TLL1: variants seen among roughly 807,000 people sequenced by gnomAD.
TLL1 encodes tolloid-like protein 1.
A neutral mutation model predicts 128.2 loss-of-function variants in TLL1; 49 were observed. The ratio of observed to expected loss-of-function variants is 0.38; its 90% CI spans 0.30 to 0.48. TLL1 has a LOEUF of 0.48. TLL1 is among the 20% of genes least tolerant of loss of function. The probability of loss-of-function intolerance (pLI) is 0.96; values close to 1 mark genes in which losing one functional copy is unlikely to be tolerated. For missense variants in TLL1, 1,123 were observed against 1,242.0 expected (o/e 0.90, Z 1.44); for synonymous variants, 454 against 418.8 (o/e 1.08, Z -1.03).
Position 166,043,162 on chromosome 4 carries a change from G to T in TLL1, c.1379-112G>T, listed in dbSNP as rs114764246. 3.7e-4 allele frequency: 531 copies of T among 1,423,870 alleles called. No homozygotes were observed. In the African/African-American group the frequency reaches 6.2e-3, roughly 17 times the overall value. 88.2% of individuals were successfully genotyped at this position (1,423,870 alleles called of 1,614,324 possible). ...AGTCAACTTTGATTTTTATAGCCTG[G>T]TCTTTATGTACTGAGCTACAGGAGC... is the stretch of plus-strand genomic sequence containing the variant. On this transcript the variant is annotated intron_variant, in intron 11 of 20. Coordinates refer to ENST00000061240, the MANE Select transcript of TLL1 (RefSeq NM_012464.5).
Position 166,047,670 on chromosome 4 carries a change from T to G in TLL1, c.1524+4251T>G, listed in dbSNP as rs1739524283. On this transcript the variant is annotated intron_variant, in intron 12 of 20. Coordinates refer to ENST00000061240, the MANE Select transcript of TLL1 (RefSeq NM_012464.5). ...TTTACCTTTGCCAGTGCCATTTGCA[T>G]TTTCATGAAAGTGCTCAAATAAAGT... Among the ~76,000 whole-genome samples the G allele has an allele frequency of 2.0e-5, 3 of 152,150 alleles. 1 individual carries two copies. The South Asian group carries it at 6.2e-4, about 31-fold the overall frequency.
chr4:165,911,835 C>T (rs1018569173), intron 1 of TLL1, among the ~76,000 whole-genome samples: 8 of 151,982 alleles, frequency 5.3e-5, no homozygotes, highest in Admixed American at 4.6e-4. Flanking sequence ...AGTATTTCTT[C>T]GTGCTACAGG....
intron 12 of TLL1, among the ~76,000 whole-genome samples, chr4:166,045,307 T>A: frequency 6.6e-6 from 1 of 152,216 alleles, no homozygotes; most frequent in Non-Finnish European, 1.5e-5. Flanking sequence ...TTTATTTTAC[T>A]TACTAAACCC....
chr4:166,072,549 T>G (rs1263536045), intron 16 of TLL1, among the ~76,000 whole-genome samples: 2 of 152,026 alleles, frequency 1.3e-5, no homozygotes, highest in African/African-American at 4.8e-5. Flanking sequence ...TTTTTAATTT[T>G]ATCTCTCTTT....
intron 1 of TLL1, among the ~76,000 whole-genome samples, chr4:165,983,720 T>C (rs1736263900): frequency 6.6e-6 from 1 of 151,826 alleles, no homozygotes; most frequent in South Asian, 2.1e-4. Flanking sequence ...AAATTTGAAG[T>C]ATGTTTGGAC....
At chr4:165,893,538 T>G (rs116208162) in intron 1 of TLL1, among the ~76,000 whole-genome samples, 2,630 of 152,146 alleles carry the variant, frequency 0.017, 88 homozygotes, top group African/African-American at 0.061. Flanking sequence ...GAGAAAGAAC[T>G]CTGGAGACAT....
At chr4:166,064,633 A>G (rs1579697003) in intron 15 of TLL1, among the ~76,000 whole-genome samples, 1 of 152,130 alleles carries the variant, frequency 6.6e-6, no homozygotes, top group African/African-American at 2.4e-5. Context: ...CTTACAGAAT[A>G]ATGGGTTAGG....
chr4:166,048,860 G>A (rs1039603651), intron 12 of TLL1, among the ~76,000 whole-genome samples: 5 of 152,150 alleles, frequency 3.3e-5, no homozygotes, highest in Non-Finnish European at 5.9e-5. Context: ...GAAAACCAGA[G>A]CTGATTAATA....
intron 1 of TLL1, among the ~76,000 whole-genome samples, chr4:165,906,074 T>TA (rs1400905446): frequency 6.6e-6 from 1 of 152,120 alleles, no homozygotes; most frequent in African/African-American, 2.4e-5. Context: ...AAAGTTTCAT[T>TA]AAAAAAAGTT....
chr4:165,957,244 G>A (rs1734845732), intron 1 of TLL1, among the ~76,000 whole-genome samples: 1 of 152,174 alleles, frequency 6.6e-6, no homozygotes. Flanking sequence ...ACAATAGTCA[G>A]TAAGGACAAA....
At position 166,090,098 on chromosome 4, in the gene TLL1, A is replaced by C. The variant is rs996428625; in HGVS notation, c.2443-1030A>C. Among the ~76,000 whole-genome samples the C allele has an allele frequency of 5.9e-5, 9 of 152,110 alleles. 1 individual carries two copies. The highest frequency in any genetic ancestry group is 3.2e-3 in the Middle Eastern group (1 of 316). On this transcript the variant is annotated intron_variant, in intron 18 of 20. Transcript: ENST00000061240. ...AAAGAAAATAAGTATATTAAAATTT[A>C]TGTGCCAATATTTTGTTGGAGGGAT...
chr4:166,087,954 T>A (rs965438385), intron 18 of TLL1, among the ~76,000 whole-genome samples: 4 of 152,184 alleles, frequency 2.6e-5, no homozygotes, highest in African/African-American at 9.6e-5. Flanking sequence ...TTCACTTTAT[T>A]TTTGGCCTTT....
At chr4:165,973,108 T>C (rs1735702848) in intron 1 of TLL1, among the ~76,000 whole-genome samples, 2 of 152,088 alleles carry the variant, frequency 1.3e-5, no homozygotes, top group South Asian at 2.1e-4. Context: ...ATAGGATATA[T>C]GTATATATGA....
At chr4:166,016,743 A>G (rs985564587) in intron 8 of TLL1, among the ~76,000 whole-genome samples, 52 of 152,146 alleles carry the variant, frequency 3.4e-4, no homozygotes, top group African/African-American at 1.2e-3. Flanking sequence ...AAATTACTGT[A>G]TTACAGCTAA....
chr4:166,039,094 A>G (rs929739435), intron 9 of TLL1, among the ~76,000 whole-genome samples: 1 of 152,184 alleles, frequency 6.6e-6, no homozygotes, highest in African/African-American at 2.4e-5. Flanking sequence ...TTGCTAACAT[A>G]TCTAGTTTGT....
intron 18 of TLL1, among the ~76,000 whole-genome samples, chr4:166,082,373 T>G (rs1330523075): frequency 6.6e-6 from 1 of 152,200 alleles, no homozygotes; most frequent in Non-Finnish European, 1.5e-5. Context: ...ATTTTTGTTC[T>G]ATATTTTTTA....
intron 9 of TLL1, among the ~76,000 whole-genome samples, chr4:166,034,968 C>T (rs57281163): frequency 0.3 from 45,623 of 152,014 alleles, 6,975 homozygotes; most frequent in South Asian, 0.31. Flanking sequence ...AATGATGAAC[C>T]TGTTTCCTCA....
At chr4:165,920,084 G>C (rs528566090) in intron 1 of TLL1, 8 of 212,974 alleles carry the variant, frequency 3.8e-5, no homozygotes, top group African/African-American at 1.6e-4. Flanking sequence ...TAAAACTTTA[G>C]AAGTGTTTCT....
At chr4:165,923,249 T>G (rs1459448183) in intron 1 of TLL1, among the ~76,000 whole-genome samples, 5 of 151,934 alleles carry the variant, frequency 3.3e-5, no homozygotes, top group African/African-American at 1.2e-4. Context: ...CAAAATTTTT[T>G]TCAGTCTTAG....
Sources: allele counts gnomAD v4.1 joint callset (sites outside exome capture counted in the v4.1 genomes callset), GRCh38; gene constraint gnomAD v4.1.1; transcripts MANE v1.5; gene names NCBI Gene and HGNC (gene_info 2026-07-23, HGNC 2026-07-21).